Variants in FAM81A observed in about 807,000 individuals in gnomAD.
FAM81A encodes family with sequence similarity 81 member A.
In FAM81A, 19 loss-of-function variants were observed where a neutral mutation model predicts 46.7. The ratio of observed to expected loss-of-function variants is 0.41; its 90% confidence interval spans 0.28 to 0.60. The LOEUF (loss-of-function observed/expected upper bound fraction) is 0.60, where lower values mean the gene tolerates loss of function less well. Among genes scored for constraint, FAM81A ranks in the 20% least tolerant of loss-of-function variants. The pLI is 0.34. For synonymous variants in FAM81A, 183 were observed against 152.9 expected (o/e 1.20, Z -1.45); for missense variants, 377 against 453.5 (o/e 0.83, Z 1.53).
Position 59,521,355 on chromosome 15 carries a change from C to T in FAM81A, c.1084C>T (p.Gln362Ter), listed in dbSNP as rs747817877. The T allele has an allele frequency of 6.2e-7, 1 of 1,611,838 alleles. No homozygotes were observed. The highest frequency in any genetic ancestry group is 1.1e-5 in the South Asian group (1 of 90,742). ...GCTACAGAAGCAAATCCAGCTGATG[C>T]AGAAGCCAGAGACCCCCATGTGAAG... ...DQLQKQIQLMQKPETPM is the reference protein window; with the variant it reads ...DQLQKQIQLM The change falls in exon 9 of 9, where the codon CAG becomes TAG. Residue 362 changes from glutamine to a stop codon, truncating the protein, a stop_gained. Coordinates refer to ENST00000288228, the MANE Select transcript of FAM81A (RefSeq NM_152450.3). LOFTEE classifies it high-confidence loss of function.
At chr15:59,415,359 C>T (rs1196296302) in intron 2 of FAM81A, among the ~76,000 whole-genome samples, 2 of 152,070 alleles carry the variant, frequency 1.3e-5, no homozygotes, top group Admixed American at 1.3e-4. Flanking sequence ...ACCTCGTGAT[C>T]CTCTTGTCTT....
intron 3 of FAM81A, among the ~76,000 whole-genome samples, chr15:59,487,573 C>A (rs1419753967): frequency 4.6e-5 from 7 of 151,656 alleles, no homozygotes; most frequent in African/African-American, 1.7e-4. Flanking sequence ...AAAAGGAGAC[C>A]TTACAACCCA....
At chr15:59,501,034 T>C (rs2082085499) in intron 4 of FAM81A, among the ~76,000 whole-genome samples, 1 of 152,226 alleles carries the variant, frequency 6.6e-6, no homozygotes, top group African/African-American at 2.4e-5. Context: ...TACCTGTTTT[T>C]TTCCGCCTGA....
At chr15:59,471,552 T>A (rs1302178612) in intron 3 of FAM81A, among the ~76,000 whole-genome samples, 1 of 152,082 alleles carries the variant, frequency 6.6e-6, no homozygotes, top group Admixed American at 6.6e-5. Flanking sequence ...AGCGTCAAAC[T>A]CCTGGGCTCA....
intron 1 of FAM81A, among the ~76,000 whole-genome samples, chr15:59,439,407 T>TG (rs1185089375): frequency 2.3e-4 from 33 of 142,546 alleles, no homozygotes; most frequent in African/African-American, 7.1e-4. Flanking sequence ...TGTGTGTGTG[T>TG]TGGGGGGGGC....
chr15:59,437,415 T>A (rs2081250992), upstream of FAM81A, among the ~76,000 whole-genome samples: 1 of 150,896 alleles, frequency 6.6e-6, no homozygotes, highest in Non-Finnish European at 1.5e-5. Flanking sequence ...TATGAGTGAA[T>A]GGGCTTGTGC....
At chr15:59,501,922 G>GT (rs547480401) in intron 4 of FAM81A, among the ~76,000 whole-genome samples, 7 of 151,966 alleles carry the variant, frequency 4.6e-5, no homozygotes, top group African/African-American at 1.2e-4. Flanking sequence ...TCTTTTATGA[G>GT]TTTTTTTTAA....
At chr15:59,488,434 AGAAAG>A (rs1307091625) in intron 3 of FAM81A, among the ~76,000 whole-genome samples, 1 of 150,676 alleles carries the variant, frequency 6.6e-6, no homozygotes, top group African/African-American at 2.5e-5. Flanking sequence ...ATCAGACAAA[AGAAAG>A]AAAGAAAGGG....
intron 5 of FAM81A, 74 bp downstream of exon 5, chr15:59,507,416 T>A: frequency 3.9e-6 from 6 of 1,548,640 alleles, no homozygotes; most frequent in Non-Finnish European, 5.2e-6. Context: ...TGTTGATTAT[T>A]TCTTACAGGA....
chr15:59,436,336 C>G (rs1269682626), upstream of FAM81A, among the ~76,000 whole-genome samples: 1 of 151,780 alleles, frequency 6.6e-6, no homozygotes, highest in African/African-American at 2.4e-5. Context: ...TTAGGATCTA[C>G]TATCACTCTC....
intron 4 of FAM81A, among the ~76,000 whole-genome samples, chr15:59,495,817 T>A (rs867287626): frequency 6.6e-6 from 1 of 152,244 alleles, no homozygotes; most frequent in African/African-American, 2.4e-5. Flanking sequence ...CATATCTTCT[T>A]TAGGAAAATA....
intron 3 of FAM81A, among the ~76,000 whole-genome samples, chr15:59,479,572 A>C (rs1326524196): frequency 6.7e-6 from 1 of 149,796 alleles, no homozygotes; most frequent in African/African-American, 2.5e-5. Flanking sequence ...TGACGTGTGA[A>C]TTGAGAATGG....
chr15:59,412,035 G>A (rs1410086601), intron 2 of FAM81A, among the ~76,000 whole-genome samples: 1 of 151,598 alleles, frequency 6.6e-6, no homozygotes, highest in Non-Finnish European at 1.5e-5. Context: ...TTACAGTGAA[G>A]AGAAAGGGGG....
At chr15:59,468,701 T>C (rs2081646992) in intron 3 of FAM81A, among the ~76,000 whole-genome samples, 2 of 152,128 alleles carry the variant, frequency 1.3e-5, no homozygotes, top group Admixed American at 6.6e-5. Flanking sequence ...GGTTTTTTGT[T>C]TCTCTGTCTC....
intron 2 of FAM81A, among the ~76,000 whole-genome samples, chr15:59,429,288 G>A (rs1005065049): frequency 1.4e-4 from 22 of 151,728 alleles, no homozygotes; most frequent in Admixed American, 8.5e-4. Flanking sequence ...TCTTTTTTTC[G>A]TTTACTTTGC....
At chr15:59,398,759 GAAAAAAAAAA>G (rs71119468) in intron 1 of FAM81A, among the ~76,000 whole-genome samples, 507 of 41,400 alleles carry the variant, frequency 0.012, 2 homozygotes, top group African/African-American at 0.05. Flanking sequence ...CTCTGTCTCA[GAAAAAAAAAA>G]AAAAAAAAAA....
chr15:59,465,452 T>C (rs1194887118), intron 3 of FAM81A, among the ~76,000 whole-genome samples: 2 of 152,166 alleles, frequency 1.3e-5, no homozygotes, highest in Non-Finnish European at 2.9e-5. Context: ...TTTGTATTTT[T>C]AGTAGAGACA....
At chr15:59,497,186 G>A (rs896113873) in intron 4 of FAM81A, among the ~76,000 whole-genome samples, 6 of 151,520 alleles carry the variant, frequency 4.0e-5, no homozygotes, top group African/African-American at 9.7e-5. Flanking sequence ...GGCGGCTCAC[G>A]CCTGTAATCC....
chr15:59,429,586 A>G (rs2081210650), intron 2 of FAM81A, among the ~76,000 whole-genome samples: 1 of 152,220 alleles, frequency 6.6e-6, no homozygotes. Context: ...TCTTGCTTGG[A>G]AAAACAAGAG....
Sources: gnomAD v4.1 joint callset for allele counts (sites outside exome capture counted in the v4.1 genomes callset) on GRCh38, gnomAD v4.1.1 for gene constraint, MANE v1.5 for transcripts, NCBI Gene and HGNC (gene_info 2026-07-23, HGNC 2026-07-21) for gene names.